Variants in EPHA6 observed in about 807,000 individuals in gnomAD.
EPHA6 encodes the protein ephrin type-A receptor 6.
In EPHA6, 50 loss-of-function variants were observed where a neutral mutation model predicts 112.0. That is an observed-to-expected ratio of 0.45 (90% CI 0.36 to 0.56). EPHA6 has a LOEUF of 0.56. EPHA6 is among the 20% of genes least tolerant of loss of function. The pLI is 0.00. For synonymous variants in EPHA6, 529 were observed against 490.7 expected (o/e 1.08, Z -1.03); for missense variants, 1,280 against 1,417.4 (o/e 0.90, Z 1.56).
At chr3:97,377,702 G>T (rs2085453074) in intron 5 of EPHA6, among the ~76,000 whole-genome samples, 1 of 152,176 alleles carries the variant, frequency 6.6e-6, no homozygotes, top group Non-Finnish European at 1.5e-5. Flanking sequence ...CTGGAGCAAA[G>T]GTGACTCTTG....
At chr3:97,310,283 G>T (rs2081496033) in intron 5 of EPHA6, among the ~76,000 whole-genome samples, 1 of 151,552 alleles carries the variant, frequency 6.6e-6, no homozygotes, top group Admixed American at 6.6e-5. Flanking sequence ...GGCAATGGGT[G>T]TTGTGAAAGA....
intron 5 of EPHA6, among the ~76,000 whole-genome samples, chr3:97,264,601 G>T (rs1044937518): frequency 6.6e-6 from 1 of 152,194 alleles, no homozygotes; most frequent in Non-Finnish European, 1.5e-5. Context: ...CCACAATATG[G>T]TGATCAAGGG....
chr3:97,290,610 G>A (rs997268632), intron 5 of EPHA6, among the ~76,000 whole-genome samples: 7 of 151,976 alleles, frequency 4.6e-5, no homozygotes, highest in Non-Finnish European at 7.4e-5. Context: ...TTCAATCTTG[G>A]TTGGTTGTGT....
At chr3:97,292,180 G>C (rs2080709127) in intron 5 of EPHA6, among the ~76,000 whole-genome samples, 1 of 152,220 alleles carries the variant, frequency 6.6e-6, no homozygotes, top group Non-Finnish European at 1.5e-5. Context: ...GAACCTGATG[G>C]CACCCGAAAG....
At chr3:97,313,481 C>A (rs1479628310) in intron 5 of EPHA6, among the ~76,000 whole-genome samples, 1 of 151,532 alleles carries the variant, frequency 6.6e-6, no homozygotes, top group Non-Finnish European at 1.5e-5. Context: ...TATACCCGTA[C>A]TAATTTTCAT....
At chr3:96,868,893 G>A (rs72933424) in intron 2 of EPHA6, among the ~76,000 whole-genome samples, 2,021 of 152,000 alleles carry the variant, frequency 0.013, 49 homozygotes, top group African/African-American at 0.045. Flanking sequence ...ATATCATGCT[G>A]ATATAGTTAC....
At chr3:96,891,437 A>G (rs2037956875) in intron 2 of EPHA6, among the ~76,000 whole-genome samples, 1 of 152,082 alleles carries the variant, frequency 6.6e-6, no homozygotes, top group Non-Finnish European at 1.5e-5. Context: ...GGGGCCAGAA[A>G]TCAGGCTTTT....
rs2079291676 is a variant in EPHA6, at chr3:97,255,811, C to CTATA, written c.1606+11525_1606+11528dup. ...GCCTTAAATTGTTGAATTAATAAAA[C>CTATA]TATAAAAGTAGATTTTCAGTAAATG... is the stretch of plus-strand genomic sequence containing the variant. On this transcript the variant is annotated intron_variant, in intron 5 of 17. Coordinates refer to ENST00000389672, the MANE Select transcript of EPHA6 (RefSeq NM_001080448.3). 2.0e-5 allele frequency among the ~76,000 whole-genome samples: 3 copies of CTATA among 151,992 alleles called. No individual in the cohort carries two copies. In the South Asian group the frequency reaches 6.2e-4, roughly 31 times the overall value.
In EPHA6 at chr3:97,758,494, A is replaced by G. The variant is rs1354410925; in HGVS notation, c.*9793A>G. On this transcript the variant is annotated 3_prime_UTR_variant, in exon 18 of 18. Transcript: ENST00000389672. ...TCTGTAAGTCCATTCACTCCATTCAACTGTTTATTGAACACTACCATGTAC... is the reference window on the plus strand; with the variant it reads ...TCTGTAAGTCCATTCACTCCATTCAGCTGTTTATTGAACACTACCATGTAC... 2.6e-5 allele frequency among the ~76,000 whole-genome samples: 4 copies of G among 151,824 alleles called. No individual in the cohort carries two copies. Among genetic ancestry groups the G allele is most frequent in the Non-Finnish European group, 5.9e-5 (4 of 67,834 alleles).
intron 2 of EPHA6, among the ~76,000 whole-genome samples, chr3:96,966,291 G>A (rs1313883335): frequency 6.6e-6 from 1 of 152,004 alleles, no homozygotes; most frequent in Non-Finnish European, 1.5e-5. Flanking sequence ...GGCATCAAAT[G>A]TGCTTTCATT....
chr3:97,537,281 C>T (rs1195370911), intron 11 of EPHA6, among the ~76,000 whole-genome samples: 1 of 151,972 alleles, frequency 6.6e-6, no homozygotes, highest in Admixed American at 6.6e-5. Flanking sequence ...AGGTTCAGCT[C>T]CTAGTTAAGG....
intron 14 of EPHA6, among the ~76,000 whole-genome samples, chr3:97,651,151 A>G (rs1394217745): frequency 2.0e-5 from 3 of 152,152 alleles, no homozygotes; most frequent in Non-Finnish European, 4.4e-5. Context: ...ATAGGAAATA[A>G]GTAGAAAGAA....
chr3:97,458,450 T>C (rs1277436872), intron 7 of EPHA6, among the ~76,000 whole-genome samples: 6 of 152,246 alleles, frequency 3.9e-5, no homozygotes, highest in Middle Eastern at 3.4e-3. Context: ...GTGAGCAGAC[T>C]AAATAACTTT....
At position 97,753,217 on chromosome 3, in the gene EPHA6, A is replaced by T. The variant is rs2035942233; in HGVS notation, c.*4516A>T. On this transcript the variant is annotated 3_prime_UTR_variant, in exon 18 of 18. Transcript: ENST00000389672. ...CCTATATGCACAAAATTTTACTACAAAGATACGTTTGGCTGTGCTGTCATT... is the reference window on the plus strand; with the variant it reads ...CCTATATGCACAAAATTTTACTACATAGATACGTTTGGCTGTGCTGTCATT... Among the ~76,000 whole-genome samples, 1 of 152,152 alleles carries T rather than the reference A, an allele frequency of 6.6e-6. No homozygotes were observed. Among genetic ancestry groups the T allele is most frequent in the Non-Finnish European group, 1.5e-5 (1 of 68,008 alleles).
At chr3:96,987,270 T>C (rs1432675146) in intron 2 of EPHA6, 60 bp from the exon 3 acceptor site, 2 of 1,421,668 alleles carry the variant, frequency 1.4e-6, no homozygotes, top group African/African-American at 2.9e-5. Flanking sequence ...TTGTAAGTAA[T>C]CATTTCTGTT....
chr3:97,140,155 A>C (rs1027816809), intron 3 of EPHA6, among the ~76,000 whole-genome samples: 8 of 152,018 alleles, frequency 5.3e-5, no homozygotes, highest in African/African-American at 1.9e-4. Context: ...AAAAATTAGA[A>C]AAAAATATAT....
At chr3:96,934,755 A>C (rs2040496057) in intron 2 of EPHA6, among the ~76,000 whole-genome samples, 1 of 151,632 alleles carries the variant, frequency 6.6e-6, no homozygotes, top group Admixed American at 6.6e-5. Context: ...AATTTAAATA[A>C]AATTCACAAA....
chr3:96,946,281 G>A (rs28870215), intron 2 of EPHA6, among the ~76,000 whole-genome samples: 18,117 of 151,674 alleles, frequency 0.12, 2,012 homozygotes, highest in Admixed American at 0.24. Flanking sequence ...CGAGTAACTC[G>A]TCATTTACAT....
chr3:96,859,899 C>A (rs1334977416), intron 1 of EPHA6, among the ~76,000 whole-genome samples: 2 of 152,052 alleles, frequency 1.3e-5, no homozygotes, highest in Non-Finnish European at 1.5e-5. Flanking sequence ...TAGCTGCAGT[C>A]ATTTTTTGTC....
Sources: gnomAD v4.1 joint callset for allele counts (sites outside exome capture counted in the v4.1 genomes callset) on GRCh38, gnomAD v4.1.1 for gene constraint, MANE v1.5 for transcripts, NCBI Gene and HGNC (gene_info 2026-07-23, HGNC 2026-07-21) for gene names.